Variants in DISC1 observed in about 807,000 individuals in gnomAD.
The protein encoded by DISC1 is disrupted in schizophrenia 1 protein.
A neutral mutation model predicts 84.5 loss-of-function variants in DISC1; 57 were observed. That is an observed-to-expected ratio of 0.67 (90% CI 0.55 to 0.84). The LOEUF (loss-of-function observed/expected upper bound fraction) is 0.84, where lower values mean the gene tolerates loss of function less well. Ranked by LOEUF, DISC1 falls within the 40% of genes least tolerant of loss-of-function variation. The pLI, the probability that DISC1 is intolerant of heterozygous loss-of-function variation, is 0.00. For missense variants in DISC1, 1,000 were observed against 1,057.8 expected (o/e 0.95, Z 0.76); for synonymous variants, 411 against 415.2 (o/e 0.99, Z 0.12).
intron 4 of DISC1, among the ~76,000 whole-genome samples, chr1:231,758,750 AAGAG>A (rs2075372188): frequency 6.6e-6 from 1 of 152,134 alleles, no homozygotes; most frequent in Non-Finnish European, 1.5e-5. Flanking sequence ...CCTTTCTCCT[AAGAG>A]AGAGAGTTGG....
chr1:231,810,834 T>A (rs1010767154), intron 8 of DISC1, among the ~76,000 whole-genome samples: 4 of 152,222 alleles, frequency 2.6e-5, no homozygotes, highest in Admixed American at 6.5e-5. Flanking sequence ...GAGTCAATTG[T>A]TACAGAAGTT....
intron 9 of DISC1, among the ~76,000 whole-genome samples, chr1:231,929,467 C>T (rs770155186): frequency 3.3e-5 from 5 of 152,206 alleles, no homozygotes; most frequent in Non-Finnish European, 5.9e-5. Context: ...TTCATGCTGT[C>T]GTCTATTAGT....
intron 9 of DISC1, among the ~76,000 whole-genome samples, chr1:231,958,088 G>A (rs1057294799): frequency 1.2e-4 from 19 of 152,200 alleles, no homozygotes; most frequent in African/African-American, 3.9e-4. Flanking sequence ...TTGGCTGCAG[G>A]TGTTCTTCCA....
At chr1:232,029,529 G>C (rs928640885) in intron 12 of DISC1, among the ~76,000 whole-genome samples, 4 of 152,214 alleles carry the variant, frequency 2.6e-5, no homozygotes, top group African/African-American at 9.6e-5. Context: ...AATGCTGAGT[G>C]TGGCTGAAAG....
At chr1:231,773,553 T>A (rs765674353) in intron 6 of DISC1, among the ~76,000 whole-genome samples, 79 of 151,980 alleles carry the variant, frequency 5.2e-4, no homozygotes, top group Non-Finnish European at 1.1e-3. Flanking sequence ...CCCAGCTAAT[T>A]TTTTGTATTT....
At chr1:231,750,327 C>T in intron 4 of DISC1, 1 of 1,304,758 alleles carries the variant, frequency 7.7e-7, no homozygotes, top group South Asian at 2.2e-5. Flanking sequence ...CAGCTGCATC[C>T]CAGGTCTGAA....
intron 4 of DISC1, among the ~76,000 whole-genome samples, chr1:231,751,841 A>T (rs955127980): frequency 6.6e-6 from 1 of 152,254 alleles, no homozygotes; most frequent in Non-Finnish European, 1.5e-5. Flanking sequence ...CATTGTATGG[A>T]TAGACTACAG....
chr1:231,637,634 C>T (rs1253401711), intron 1 of DISC1, among the ~76,000 whole-genome samples: 8 of 151,648 alleles, frequency 5.3e-5, no homozygotes, highest in Admixed American at 6.6e-5. Context: ...TTTAAGATAA[C>T]GGTTTCCAGT....
chr1:231,726,081 T>A (rs1276736642), intron 3 of DISC1, among the ~76,000 whole-genome samples: 2 of 151,938 alleles, frequency 1.3e-5, no homozygotes, highest in African/African-American at 2.4e-5. Flanking sequence ...AGCCTCAGCA[T>A]CACAAAACAG....
chr1:231,946,668 A>C (rs1050836114), intron 9 of DISC1, among the ~76,000 whole-genome samples: 1 of 152,228 alleles, frequency 6.6e-6, no homozygotes, highest in African/African-American at 2.4e-5. Flanking sequence ...GAGGAAGTCA[A>C]ATTGTCTCTG....
At chr1:231,932,396 T>C (rs1280811845) in intron 9 of DISC1, among the ~76,000 whole-genome samples, 2 of 152,238 alleles carry the variant, frequency 1.3e-5, no homozygotes, top group Non-Finnish European at 2.9e-5. Flanking sequence ...TAATAGCTCC[T>C]ATTGAGGACC....
rs2087769477 is a variant in DISC1 at position 231,897,290 on chromosome 1, A to G, written c.1982-61538A>G. ...CCAGAATAAGAAGAGGTCTTGAATTAATAGTCAAACCTGATATAGCTTCTT... is the reference window on the plus strand; with the variant it reads ...CCAGAATAAGAAGAGGTCTTGAATTGATAGTCAAACCTGATATAGCTTCTT... On this transcript the variant is annotated intron_variant, in intron 9 of 12. Transcript: ENST00000439617. The surrounding 1 kb of genome is among the most constrained non-coding windows in gnomAD (Gnocchi z 4.5). Among the ~76,000 whole-genome samples the G allele has an allele frequency of 6.6e-6, 1 of 152,202 alleles. No homozygotes were observed. Among genetic ancestry groups the G allele is most frequent in the South Asian group, 2.1e-4 (1 of 4,822 alleles).
chr1:232,027,793 C>CTG (rs35448234), intron 12 of DISC1, among the ~76,000 whole-genome samples: 35,008 of 143,278 alleles, frequency 0.24, 4,087 homozygotes, highest in Middle Eastern at 0.27. Context: ...ACTTTATGGG[C>CTG]TGTGTGTGTG....
At chr1:231,749,743 G>T (rs1234474855) in intron 3 of DISC1, among the ~76,000 whole-genome samples, 183 bp from the exon 4 acceptor site, 2 of 152,242 alleles carry the variant, frequency 1.3e-5, no homozygotes, top group Middle Eastern at 3.4e-3. Context: ...CCATCTTGTT[G>T]GTGCAAAGAA....
intron 12 of DISC1, among the ~76,000 whole-genome samples, chr1:232,027,545 G>C (rs1388533143): frequency 6.6e-6 from 1 of 151,000 alleles, no homozygotes; most frequent in Non-Finnish European, 1.5e-5. Context: ...GTTTGTCACT[G>C]GTTAGTTCTG....
chr1:231,866,066 T>A (rs113190946), intron 9 of DISC1, among the ~76,000 whole-genome samples: 1 of 152,176 alleles, frequency 6.6e-6, no homozygotes, highest in African/African-American at 2.4e-5. Flanking sequence ...CTCAACTCAT[T>A]ACTCCTGTGT....
At chr1:231,741,297 G>A (rs2073239060) in intron 3 of DISC1, among the ~76,000 whole-genome samples, 1 of 152,348 alleles carries the variant, frequency 6.6e-6, no homozygotes, top group Middle Eastern at 3.4e-3. Context: ...GCAAGGCAGA[G>A]TAACATCTTG....
intron 9 of DISC1, among the ~76,000 whole-genome samples, chr1:231,859,230 C>T (rs527571553): frequency 6.6e-6 from 1 of 152,348 alleles, no homozygotes; most frequent in Admixed American, 6.5e-5. Flanking sequence ...GGTCTGTCCA[C>T]CCTGCTCTAT....
Position 232,031,457 on chromosome 1 carries a change from G to GAA in DISC1, c.2425+4906_2425+4907dup. Among the ~76,000 whole-genome samples, 1 of 150,498 alleles carries GAA rather than the reference G, an allele frequency of 6.6e-6. No homozygotes were observed. The highest frequency in any genetic ancestry group is 2.5e-5 in the African/African-American group (1 of 40,812). ...AGAAGGGAAAAGGGAAAGGAGAAGG[G>GAA]AAGGGAGAAGGGAAGGGAGCAAAAG... On this transcript the variant is annotated intron_variant, in intron 12 of 12. Transcript: ENST00000439617. The surrounding 1 kb of genome is among the most constrained non-coding windows in gnomAD (Gnocchi z 4.6).
Sources: gnomAD v4.1 joint callset for allele counts (sites outside exome capture counted in the v4.1 genomes callset) on GRCh38, gnomAD v4.1.1 for gene constraint, Gnocchi (gnomAD v3.1) non-coding constraint, MANE v1.5 for transcripts, NCBI Gene and HGNC (gene_info 2026-07-23, HGNC 2026-07-21) for gene names.